COL4A6: variants seen among roughly 807,000 people sequenced by gnomAD.
The protein encoded by COL4A6 is collagen type IV alpha 6 chain.
A neutral mutation model predicts 126.7 loss-of-function variants in COL4A6; 59 were observed. The observed-to-expected ratio is 0.47, with a 90% confidence interval of 0.38 to 0.58. COL4A6 has a LOEUF of 0.58. Among genes scored for constraint, COL4A6 ranks in the 20% least tolerant of loss-of-function variants. The probability of loss-of-function intolerance (pLI) is 0.00; values close to 1 mark genes in which losing one functional copy is unlikely to be tolerated. For synonymous variants in COL4A6, 547 were observed against 496.6 expected, an observed-to-expected ratio of 1.10 and a Z score of -1.35; for missense variants, 1,285 against 1,337.3, an observed-to-expected ratio of 0.96 and a Z score of 0.61.
intron 3 of COL4A6, among the ~76,000 whole-genome samples, chrX:108,250,391 C>T (rs1569381777): frequency 9.0e-6 from 1 of 110,749 alleles, no homozygotes; most frequent in African/African-American, 3.3e-5. Flanking sequence ...GAGATGAACT[C>T]TTTATTTATC....
rs751437119 is a variant in COL4A6, at chrX:108,310,868, A to C, written c.64-40T>G. On this transcript the variant is annotated intron_variant, in intron 2 of 44. Transcript: ENST00000334504. ...AAAAAGTTAATAAACCATGTGAACC[A>C]AGAAGCAATGTTGTCCCAGCAGACC... The C allele has an allele frequency of 3.6e-5, 38 of 1,068,395 alleles. No individual in the cohort carries two copies. In the South Asian group the frequency reaches 5.6e-4, roughly 16 times the overall value. 88.0% of individuals were successfully genotyped at this position (1,068,395 alleles called of 1,213,427 possible).
intron 3 of COL4A6, among the ~76,000 whole-genome samples, chrX:108,267,230 T>A (rs1228271083): frequency 2.7e-5 from 3 of 112,166 alleles, no homozygotes; most frequent in African/African-American, 9.7e-5. Flanking sequence ...TCAGCTTACC[T>A]CCTCCACTTA....
intron 23 of COL4A6, among the ~76,000 whole-genome samples, chrX:108,184,174 C>T (rs2034776940): frequency 8.9e-6 from 1 of 112,316 alleles, no homozygotes; most frequent in African/African-American, 3.2e-5. Flanking sequence ...GAAATGGCTA[C>T]AATGCAAATG....
intron 3 of COL4A6, among the ~76,000 whole-genome samples, chrX:108,258,405 G>A (rs1309328337): frequency 8.9e-6 from 1 of 111,832 alleles, no homozygotes; most frequent in Non-Finnish European, 1.9e-5. Context: ...TAGCTAAAGA[G>A]TGAGTCTTCC....
intron 2 of COL4A6, among the ~76,000 whole-genome samples, chrX:108,430,421 A>G (rs965209292): frequency 8.9e-6 from 1 of 112,061 alleles, no homozygotes; most frequent in African/African-American, 3.2e-5. Flanking sequence ...AAGCCCTTAA[A>G]TGTGCCAAAC....
At position 108,179,324 on chromosome X, in the gene COL4A6, G is replaced by A; in HGVS notation, c.2246C>T (p.Thr749Ile). The stretch of plus-strand genomic sequence containing the variant: ...ATTTTCAGCACCAAAGATGTCACCA[G>A]TGGCTCCCTTGGAACCAGGTAAGCC... ...SPGLPGSKGA[T>I]GDIFGAENGA... Residue 749 changes from threonine (T) to isoleucine (I), a missense_variant, in exon 26 of 45, where the codon ACT (threonine) becomes ATT (isoleucine). Transcript: ENST00000334504. 2.5e-6 allele frequency: 3 copies of A among 1,211,236 alleles called. No homozygotes were observed. The highest frequency in any genetic ancestry group is 3.4e-6 in the Non-Finnish European group (3 of 895,193).
chrX:108,437,050 A>G, intron 2 of COL4A6, among the ~76,000 whole-genome samples: 1 of 112,163 alleles, frequency 8.9e-6, no homozygotes, highest in Non-Finnish European at 1.9e-5. Flanking sequence ...TAAAAAAAAT[A>G]CAGCAGTGAA....
intron 2 of COL4A6, 108 bp downstream of exon 2, chrX:108,437,834 C>A: frequency 3.5e-6 from 3 of 861,933 alleles, no homozygotes; most frequent in Non-Finnish European, 5.1e-6. Context: ...GGTGTGGACT[C>A]CGTCTCGTGG....
intron 3 of COL4A6, among the ~76,000 whole-genome samples, chrX:108,305,338 C>T (rs190508122): frequency 2.5e-3 from 274 of 111,493 alleles, no homozygotes; most frequent in Non-Finnish European, 4.5e-3. Context: ...AAATATTTGT[C>T]TTGTTTTGTT....
intron 2 of COL4A6, among the ~76,000 whole-genome samples, chrX:108,394,740 A>G (rs930809043): frequency 8.9e-6 from 1 of 112,088 alleles, no homozygotes; most frequent in Non-Finnish European, 1.9e-5. Context: ...AAGTAATTGT[A>G]AATGCTACTA....
intron 44 of COL4A6, among the ~76,000 whole-genome samples, chrX:108,157,898 C>T (rs577023602): frequency 1.8e-5 from 2 of 112,000 alleles, no homozygotes; most frequent in East Asian, 5.6e-4. Context: ...GCCTGTTTCT[C>T]TTCACTTTAG....
intron 3 of COL4A6, among the ~76,000 whole-genome samples, chrX:108,270,587 T>C (rs1031194327): frequency 8.9e-6 from 1 of 112,250 alleles, no homozygotes; most frequent in African/African-American, 3.2e-5. Context: ...TGGTGAGAAG[T>C]AATTGTCTGA....
rs1268238995 is a variant in COL4A6, at chrX:108,178,864, A to C, written c.2354-19T>G. On this transcript the variant is annotated intron_variant, in intron 26 of 44. Transcript: ENST00000334504. Reference sequence around the variant, plus strand: ...TGCACACCTGATAAAAGAAAAGGGCAAATGATCACAGCCTGGAGAGATAGC... The same window carrying C: ...TGCACACCTGATAAAAGAAAAGGGCCAATGATCACAGCCTGGAGAGATAGC... 1 of 1,199,103 alleles carries C rather than the reference A, an allele frequency of 8.3e-7. No individual in the cohort carries two copies. The highest frequency in any genetic ancestry group is 1.1e-6 in the Non-Finnish European group (1 of 890,143).
At chrX:108,184,471 G>A (rs913430963) in intron 23 of COL4A6, among the ~76,000 whole-genome samples, 1 of 111,264 alleles carries the variant, frequency 9.0e-6, no homozygotes, top group African/African-American at 3.3e-5. Flanking sequence ...CGGGAGACTG[G>A]GTTATTTCTC....
intron 2 of COL4A6, among the ~76,000 whole-genome samples, chrX:108,322,453 G>A (rs2039053155): frequency 8.9e-6 from 1 of 111,786 alleles, no homozygotes; most frequent in Admixed American, 9.5e-5. Context: ...GCTCAACTGT[G>A]TTCACACCAT....
At chrX:108,192,606 T>A in intron 17 of COL4A6, 26 bp from the exon 18 acceptor site, 1 of 1,060,274 alleles carries the variant, frequency 9.4e-7, no homozygotes, top group Non-Finnish European at 1.3e-6. Context: ...AAGAAAATAG[T>A]AAATAAAGAC....
chrX:108,319,933 G>A (rs1213747624), intron 2 of COL4A6, among the ~76,000 whole-genome samples: 1 of 112,036 alleles, frequency 8.9e-6, no homozygotes, highest in South Asian at 3.7e-4. Context: ...AAGTGTACAA[G>A]AGAGGATGGT....
intron 2 of COL4A6, among the ~76,000 whole-genome samples, chrX:108,433,109 AT>A (rs1177549102): frequency 1.8e-5 from 2 of 111,897 alleles, no homozygotes; most frequent in Non-Finnish European, 3.8e-5. Context: ...GGGTAATGCA[AT>A]TGAAGAGGTT....
intron 2 of COL4A6, among the ~76,000 whole-genome samples, chrX:108,399,361 C>T (rs2041037397): frequency 1.8e-5 from 2 of 111,151 alleles, no homozygotes; most frequent in South Asian, 3.8e-4. Context: ...TATTTTGTGC[C>T]TTTCATTAGT....
Sources: allele counts gnomAD v4.1 joint callset (sites outside exome capture counted in the v4.1 genomes callset), GRCh38; gene constraint gnomAD v4.1.1; transcripts MANE v1.5; gene names NCBI Gene and HGNC (gene_info 2026-07-23, HGNC 2026-07-21).